Variants in STOX2 observed in about 807,000 individuals in gnomAD.
STOX2 encodes the protein storkhead-box protein 2.
A neutral mutation model predicts 60.9 loss-of-function variants in STOX2; 28 were observed. The ratio of observed to expected loss-of-function variants is 0.46; its 90% CI spans 0.34 to 0.63. The LOEUF (loss-of-function observed/expected upper bound fraction) is 0.63, where lower values mean the gene tolerates loss of function less well. STOX2 is among the 30% of genes least tolerant of loss of function. The pLI, the probability that STOX2 is intolerant of heterozygous loss-of-function variation, is 0.01. For synonymous variants in STOX2, 472 were observed against 463.9 expected, an observed-to-expected ratio of 1.02 and a Z score of -0.22; for missense variants, 1,024 against 1,187.7, an observed-to-expected ratio of 0.86 and a Z score of 2.03.
rs1030749987 is a variant in STOX2 at position 183,905,575 on chromosome 4, A to G, written c.-1216A>G. 1 of 152,148 alleles carries G rather than the reference A, an allele frequency of 6.6e-6. No individual in the cohort carries two copies. The highest frequency in any genetic ancestry group is 2.4e-5 in the African/African-American group (1 of 41,426). 9.4% of individuals were successfully genotyped at this position (152,148 alleles called of 1,614,324 possible). A position where few individuals can be genotyped will look rare whatever the true frequency, so the allele number is the denominator to read the frequency against. On this transcript the variant is annotated 5_prime_UTR_variant, in exon 1 of 4. Transcript: ENST00000308497. ...GCGCACCGCAGATCTCCCCGTTCCC[A>G]CGAAGGCTGGCTCGCTGTCTCTCTC...
intron 1 of STOX2, among the ~76,000 whole-genome samples, chr4:183,883,350 C>T (rs907435652): frequency 6.2e-5 from 9 of 146,224 alleles, no homozygotes; most frequent in South Asian, 2.2e-4. Context: ...GACAGAGTCT[C>T]GCTCTGTCGC....
chr4:183,926,922 A>G (rs1742259487), intron 1 of STOX2, among the ~76,000 whole-genome samples: 1 of 152,238 alleles, frequency 6.6e-6, no homozygotes, highest in Non-Finnish European at 1.5e-5. Flanking sequence ...GGGCCCGACC[A>G]CAAATAGTGT....
chr4:183,868,994 TTGATATTACTCCTCATGG>T (rs749865147), intron 1 of STOX2, among the ~76,000 whole-genome samples: 6 of 152,234 alleles, frequency 3.9e-5, no homozygotes, highest in Admixed American at 6.5e-5. Context: ...TCTTCTGACT[TTGATATTACTCCTCATGG>T]TAAGACATGA....
chr4:183,995,165 GAA>G (rs905065939), intron 1 of STOX2, among the ~76,000 whole-genome samples: 3 of 152,166 alleles, frequency 2.0e-5, no homozygotes, highest in Admixed American at 2.0e-4. Flanking sequence ...AAGCTGTTGT[GAA>G]AGTCATATCC....
intron 1 of STOX2, among the ~76,000 whole-genome samples, chr4:183,840,371 A>T (rs990916444): frequency 1.3e-5 from 2 of 152,178 alleles, no homozygotes; most frequent in Non-Finnish European, 2.9e-5. Context: ...TCTCTGAAGG[A>T]GGAATTCTCT....
rs560857721 is a variant in STOX2 at position 183,825,394 on chromosome 4, C to T, written c.364+27339C>T. Among the ~76,000 whole-genome samples, 57 of 150,290 alleles carry T rather than the reference C, an allele frequency of 3.8e-4. No homozygotes were observed. The highest frequency in any genetic ancestry group is 3.4e-3 in the Middle Eastern group (1 of 294). On this transcript the variant is annotated intron_variant, in intron 1 of 2. Coordinates refer to the STOX2 transcript ENST00000513034. This position sits in a 1 kb window ranked among gnomAD's most constrained non-coding sequence, Gnocchi z 4.1. ...TCAGCCTTCACACAGCTGGGCCATC[C>T]CTCGTGTGGCGCGTGCTGCAGATGG... is the stretch of plus-strand genomic sequence containing the variant.
intron 2 of STOX2, among the ~76,000 whole-genome samples, chr4:184,003,188 A>G (rs1195927882): frequency 6.6e-6 from 1 of 152,228 alleles, no homozygotes; most frequent in Admixed American, 6.5e-5. Context: ...TCTGACATTG[A>G]ACAACCCAGC....
intron 2 of STOX2, among the ~76,000 whole-genome samples, chr4:184,004,737 A>G (rs1733753946): frequency 6.6e-6 from 1 of 152,274 alleles, no homozygotes; most frequent in African/African-American, 2.4e-5. Context: ...TTTCCATTAC[A>G]GAATCAAGAA....
chr4:183,833,634 G>GTTTT (rs112301632), intron 1 of STOX2, among the ~76,000 whole-genome samples: 32 of 142,554 alleles, frequency 2.2e-4, no homozygotes, highest in African/African-American at 8.2e-4. Context: ...TTCTGCAGGA[G>GTTTT]TTTTTTTTTT....
In STOX2 at chr4:184,002,339, A is replaced by T. The variant is rs192275879; in HGVS notation, c.319+862A>T. 3.9e-5 allele frequency among the ~76,000 whole-genome samples: 6 copies of T among 152,360 alleles called. No individual in the cohort carries two copies. In the East Asian group the frequency reaches 1.2e-3, roughly 29 times the overall value. On this transcript the variant is annotated intron_variant, in intron 2 of 3. Coordinates refer to ENST00000308497, the MANE Select transcript of STOX2 (RefSeq NM_020225.3). ...TCTAGGTTGAAATAGAGATTATATT[A>T]AAAGGGAACGTTTGCTATATTTCTC...
intron 1 of STOX2, chr4:183,988,674 C>T (rs1402099551): frequency 6.6e-6 from 1 of 152,638 alleles, no homozygotes; most frequent in Non-Finnish European, 1.5e-5. Context: ...TGACTTGAAA[C>T]TTTACTCTTT....
intron 1 of STOX2, among the ~76,000 whole-genome samples, chr4:183,844,816 T>C (rs995253303): frequency 6.6e-6 from 1 of 152,266 alleles, no homozygotes; most frequent in Non-Finnish European, 1.5e-5. Flanking sequence ...CCTCGCCTAC[T>C]ATGTCTTGAG....
In STOX2 at chr4:184,009,195, G is replaced by C. The variant is rs760728690; in HGVS notation, c.357G>C (p.Thr119=). Residue 119 remains threonine (T), a synonymous_variant, in exon 3 of 4, where the codon ACG becomes ACC. Coordinates refer to ENST00000308497, the MANE Select transcript of STOX2 (RefSeq NM_020225.3). This position sits in a 1 kb window ranked among gnomAD's most constrained non-coding sequence, Gnocchi z 4.0. ...PTPSQEILRH[T]LNTLVRERKI... Reference sequence around the variant, plus strand: ...CAAGCCAAGAAATTCTGCGGCACACGCTGAACACGCTGGTACGGGAGAGGA... The same window carrying C: ...CAAGCCAAGAAATTCTGCGGCACACCCTGAACACGCTGGTACGGGAGAGGA... 7.7e-7 allele frequency: 1 copy of C among 1,300,000 alleles called. No homozygotes were observed. The highest frequency in any genetic ancestry group is 1.0e-6 in the Non-Finnish European group (1 of 982,890). The allele number at this position is 1,300,000 out of a possible 1,614,324, so 80.5% of individuals were successfully genotyped here.
At chr4:183,827,322 A>G (rs924337685) in intron 1 of STOX2, among the ~76,000 whole-genome samples, 11 of 152,008 alleles carry the variant, frequency 7.2e-5, no homozygotes, top group African/African-American at 2.7e-4. Flanking sequence ...ACACAGCAAG[A>G]CCCCAGTCTA....
At chr4:183,827,614 A>G (rs1739466104) in intron 1 of STOX2, among the ~76,000 whole-genome samples, 1 of 152,236 alleles carries the variant, frequency 6.6e-6, no homozygotes, top group African/African-American at 2.4e-5. Flanking sequence ...TGTCACCTCT[A>G]TCTTCACTTT....
intron 1 of STOX2, among the ~76,000 whole-genome samples, chr4:183,809,675 G>A (rs1377532928): frequency 6.6e-6 from 1 of 152,204 alleles, no homozygotes; most frequent in African/African-American, 2.4e-5. Context: ...GAAATTACAG[G>A]TGTGAGCTAC....
rs1734436037 is a variant in STOX2, at chr4:184,017,702, C to CA, written c.*422dup. 1 of 118,166 alleles carries CA rather than the reference C, an allele frequency of 8.5e-6. No homozygotes were observed. The highest frequency in any genetic ancestry group is 3.3e-5 in the African/African-American group (1 of 29,972). 7.3% of individuals were successfully genotyped at this position (118,166 alleles called of 1,614,324 possible). A position where few individuals can be genotyped will look rare whatever the true frequency, so the allele number is the denominator to read the frequency against. On this transcript the variant is annotated 3_prime_UTR_variant, in exon 4 of 4. Transcript: ENST00000308497. Reference sequence around the variant, plus strand: ...CTTGACACTTCCAAAAAAAAAAAAACAAAACAAAACAAAAAAAATTTAAAA... The same window carrying CA: ...CTTGACACTTCCAAAAAAAAAAAAACAAAAACAAAACAAAAAAAATTTAAAA...
At chr4:183,904,051 A>G (rs1445359685), upstream of STOX2, among the ~76,000 whole-genome samples, 3 of 152,270 alleles carry the variant, frequency 2.0e-5, no homozygotes, top group East Asian at 5.8e-4. Flanking sequence ...GTGATAGATC[A>G]TCAGGCATTA....
At chr4:183,915,669 G>C (rs1441992074) in intron 1 of STOX2, among the ~76,000 whole-genome samples, 2 of 152,208 alleles carry the variant, frequency 1.3e-5, no homozygotes, top group African/African-American at 4.8e-5. Context: ...AAGAAGAAAA[G>C]AGACACAGAC....
Sources: allele counts gnomAD v4.1 joint callset (sites outside exome capture counted in the v4.1 genomes callset), GRCh38; gene constraint gnomAD v4.1.1; non-coding constraint Gnocchi (gnomAD v3.1); transcripts MANE v1.5; gene names NCBI Gene and HGNC (gene_info 2026-07-23, HGNC 2026-07-21).